LDLRAP1: variants seen among roughly 807,000 people sequenced by gnomAD.
LDLRAP1 encodes the protein low density lipoprotein receptor adaptor protein 1.
A neutral mutation model predicts 37.8 loss-of-function variants in LDLRAP1; 30 were observed. The ratio of observed to expected loss-of-function variants is 0.79; its 90% CI spans 0.59 to 1.08. LDLRAP1 has a LOEUF of 1.08. Ranked by LOEUF, LDLRAP1 falls within the 50% of genes least tolerant of loss-of-function variation. The pLI is 0.00. For synonymous variants in LDLRAP1, 156 were observed against 169.8 expected (o/e 0.92, Z 0.63); for missense variants, 375 against 401.6 (o/e 0.93, Z 0.57).
chr1:25,564,867 G>T (rs561491008), intron 7 of LDLRAP1: 32 of 404,682 alleles, frequency 7.9e-5, no homozygotes, highest in African/African-American at 5.0e-4. Flanking sequence ...GAGTTTCAAC[G>T]TGGAGCAGTG....
intron 4 of LDLRAP1, 60 bp downstream of exon 4, chr1:25,557,327 G>A (rs560779930): frequency 2.7e-5 from 36 of 1,336,124 alleles, no homozygotes; most frequent in Non-Finnish European, 3.3e-5. Flanking sequence ...CTTGCTCTGG[G>A]TGGGGGGCTG....
At chr1:25,564,958 C>G in intron 7 of LDLRAP1, 1 of 587,620 alleles carries the variant, frequency 1.7e-6, no homozygotes, top group South Asian at 1.9e-5. Context: ...TGGGACATGG[C>G]CTTTCTCCTC....
chr1:25,573,076 C>A (rs2044626807), downstream of LDLRAP1, among the ~76,000 whole-genome samples: 1 of 134,200 alleles, frequency 7.5e-6, no homozygotes, highest in Non-Finnish European at 1.5e-5. Flanking sequence ...GCAGTCCAAA[C>A]AGGGGCTGCT....
At chr1:25,565,064 G>A (rs2044441165) in intron 7 of LDLRAP1, 109 bp from the exon 8 acceptor site, 1 of 1,252,238 alleles carries the variant, frequency 8.0e-7, no homozygotes, top group South Asian at 1.2e-5. Flanking sequence ...CGCCCACCCT[G>A]AGCTTGTGTC....
At chr1:25,553,801 G>A in intron 1 of LDLRAP1, 121 bp from the exon 2 acceptor site, 30 of 951,702 alleles carry the variant, frequency 3.2e-5, no homozygotes, top group Non-Finnish European at 4.7e-5. Flanking sequence ...AGTGGCAGTA[G>A]TGGTGGGGGA....
the LDLRAP1 span, among the ~76,000 whole-genome samples, chr1:25,579,223 C>G: frequency 6.6e-6 from 1 of 152,198 alleles, no homozygotes; most frequent in Non-Finnish European, 1.5e-5. Context: ...TCCAGCACCC[C>G]ACTCGATGAG....
chr1:25,572,982 A>T (rs1311841369), downstream of LDLRAP1, among the ~76,000 whole-genome samples: 1 of 152,168 alleles, frequency 6.6e-6, no homozygotes, highest in East Asian at 1.9e-4. Context: ...ACTGGCTTTC[A>T]ATCCCAGACG....
In LDLRAP1 at chr1:25,567,120, C is replaced by G. The variant is rs1441077079; in HGVS notation, c.*128C>G. On this transcript the variant is annotated 3_prime_UTR_variant, in exon 9 of 9. Coordinates refer to ENST00000374338, the MANE Select transcript of LDLRAP1 (RefSeq NM_015627.3). ...CCCTCAGCATTGTCAGCCTGAAGAT[C>G]AGAGCTGCAGCCAGTCAGGCAGGGG... 8.5e-7 allele frequency: 1 copy of G among 1,176,112 alleles called. No individual in the cohort carries two copies. The highest frequency in any genetic ancestry group is 2.0e-5 in the Admixed American group (1 of 51,122). 72.9% of individuals were successfully genotyped at this position (1,176,112 alleles called of 1,614,324 possible).
downstream of LDLRAP1, chr1:25,568,903 G>A (rs2044557262): frequency 1.3e-5 from 2 of 152,274 alleles, no homozygotes; most frequent in Admixed American, 6.5e-5. Flanking sequence ...CTCATCAGGT[G>A]GAGTAGACTG....
At chr1:25,563,211 A>G in intron 6 of LDLRAP1, 58 bp downstream of exon 6, 1 of 1,482,848 alleles carries the variant, frequency 6.7e-7, no homozygotes, top group Non-Finnish European at 9.4e-7. Context: ...CGCTTCACCC[A>G]GGGGGGTCCC....
chr1:25,581,311 G>T, the LDLRAP1 span, among the ~76,000 whole-genome samples: 2 of 152,280 alleles, frequency 1.3e-5, no homozygotes, highest in Non-Finnish European at 2.9e-5. Flanking sequence ...GGCCTCTTGA[G>T]CCAGGGAGAG....
intron 4 of LDLRAP1, 21 bp downstream of exon 4, chr1:25,557,288 C>T (rs372654095): frequency 6.4e-5 from 47 of 730,330 alleles, no homozygotes; most frequent in South Asian, 9.4e-5. Flanking sequence ...AGGGCTGGGG[C>T]GGGGACAGGG....
In LDLRAP1 at chr1:25,555,104, G is replaced by A; in HGVS notation, c.344+132G>A. On this transcript the variant is annotated intron_variant, in intron 3 of 8. Coordinates refer to ENST00000374338, the MANE Select transcript of LDLRAP1 (RefSeq NM_015627.3). The surrounding 1 kb of genome is among the most constrained non-coding windows in gnomAD (Gnocchi z 4.7). ...GCCTCAGTTTCCTCATCTGTAAAAT[G>A]GGGGTGGGAACAGATCCTGCTGCAC... 1 of 745,656 alleles carries A rather than the reference G, an allele frequency of 1.3e-6. No homozygotes were observed. Among genetic ancestry groups the A allele is most frequent in the Admixed American group, 2.0e-5 (1 of 50,094 alleles). The allele number at this position is 745,656 out of a possible 1,614,324, so 46.2% of individuals were successfully genotyped here.
rs2044534945 is a variant in LDLRAP1, at chr1:25,568,191, T to G, written c.*1199T>G. On this transcript the variant is annotated 3_prime_UTR_variant, in exon 9 of 9. Transcript: ENST00000374338. The stretch of plus-strand genomic sequence containing the variant: ...TTTCCACACAGAACTGGCAGGAGCC[T>G]CGTGTCCTGCTAGCTGTCTCTCTTG... 1.3e-5 allele frequency: 2 copies of G among 152,594 alleles called. No homozygotes were observed. The allele number at this position is 152,594 out of a possible 1,614,324, so 9.5% of individuals were successfully genotyped here. A position where few individuals can be genotyped will look rare whatever the true frequency, so the allele number is the denominator to read the frequency against.
chr1:25,565,340 C>A, intron 8 of LDLRAP1, 133 bp downstream of exon 8: 1 of 982,432 alleles, frequency 1.0e-6, no homozygotes, highest in Non-Finnish European at 1.6e-6. Context: ...ACAGTCCCAT[C>A]CCTCCACTCA....
At chr1:25,545,804 G>A (rs1224260924) in intron 1 of LDLRAP1, among the ~76,000 whole-genome samples, 2 of 152,200 alleles carry the variant, frequency 1.3e-5, no homozygotes, top group African/African-American at 2.4e-5. Flanking sequence ...GGATCAAGTG[G>A]AATTGCGTTT....
At chr1:25,570,389 G>C (rs533027295), downstream of LDLRAP1, among the ~76,000 whole-genome samples, 3 of 152,280 alleles carry the variant, frequency 2.0e-5, no homozygotes, top group Non-Finnish European at 4.4e-5. Context: ...GCTTCACTGG[G>C]TGGATGTTGG....
Position 25,563,646 on chromosome 1 carries a change from C to A in LDLRAP1, c.617-15C>A. On this transcript the variant is annotated splice_polypyrimidine_tract_variant and intron_variant, in intron 6 of 8. Coordinates refer to ENST00000374338, the MANE Select transcript of LDLRAP1 (RefSeq NM_015627.3). Reference sequence around the variant, plus strand: ...GGCTGATCTCCCACTGACAACCTGACCGGATCCCTCACAGTGGTCGCCACT... The same window carrying A: ...GGCTGATCTCCCACTGACAACCTGAACGGATCCCTCACAGTGGTCGCCACT... 6.2e-7 allele frequency: 1 copy of A among 1,613,096 alleles called. No homozygotes were observed. The highest frequency in any genetic ancestry group is 8.5e-7 in the Non-Finnish European group (1 of 1,179,978).
In LDLRAP1 at chr1:25,543,640, G is replaced by A. The variant is rs977183026; in HGVS notation, c.-59G>A. 17 of 1,159,658 alleles carry A rather than the reference G, an allele frequency of 1.5e-5. No individual in the cohort carries two copies. The highest frequency in any genetic ancestry group is 1.8e-5 in the Non-Finnish European group (17 of 929,640). 71.8% of individuals were successfully genotyped at this position (1,159,658 alleles called of 1,614,324 possible). A position where few individuals can be genotyped will look rare whatever the true frequency, so the allele number is the denominator to read the frequency against. ...AGCCCGCGCGCCGCAGGGCCGGGCG[G>A]AAAGTTTTTCCTGACGGAGTTTTGG... On this transcript the variant is annotated 5_prime_UTR_variant, in exon 1 of 9. Coordinates refer to ENST00000374338, the MANE Select transcript of LDLRAP1 (RefSeq NM_015627.3).
Sources: allele counts gnomAD v4.1 joint callset (sites outside exome capture counted in the v4.1 genomes callset), GRCh38; gene constraint gnomAD v4.1.1; non-coding constraint Gnocchi (gnomAD v3.1); transcripts MANE v1.5; gene names NCBI Gene and HGNC (gene_info 2026-07-23, HGNC 2026-07-21).